Variants in MFNG observed in about 807,000 individuals in gnomAD.
MFNG encodes MFNG O-fucosylpeptide 3-beta-N-acetylglucosaminyltransferase.
MFNG carries 24 observed loss-of-function variants against 34.2 expected under a neutral mutation model. The ratio of observed to expected loss-of-function variants is 0.70; its 90% CI spans 0.51 to 0.99. MFNG has a LOEUF of 0.99. MFNG is among the 50% of genes least tolerant of loss of function. MFNG has a pLI of 0.00. For missense variants in MFNG, 383 were observed against 424.0 expected, an observed-to-expected ratio of 0.90 and a Z score of 0.85; for synonymous variants, 158 against 179.2, an observed-to-expected ratio of 0.88 and a Z score of 0.94.
chr22:37,480,662 C>T (rs1922253566), intron 2 of MFNG, 59 bp downstream of exon 2: 4 of 1,544,680 alleles, frequency 2.6e-6, no homozygotes, highest in Non-Finnish European at 3.6e-6. Flanking sequence ...GCACAGCCGC[C>T]CCAGCTTTCC....
intron 7 of MFNG, among the ~76,000 whole-genome samples, chr22:37,471,104 T>C (rs1471772003): frequency 6.6e-6 from 1 of 152,090 alleles, no homozygotes; most frequent in Non-Finnish European, 1.5e-5. Context: ...CCTCATCCCC[T>C]ACACACACAG....
chr22:37,480,991 C>T, intron 1 of MFNG: 1 of 575,144 alleles, frequency 1.7e-6, no homozygotes, highest in East Asian at 2.9e-5. Context: ...AGTCTAAACA[C>T]ATACACTCAC....
rs1569157594 is a variant in MFNG, at chr22:37,479,386, G to GGC, written c.519_520insGC (p.Arg174AlafsTer37). 6.2e-7 allele frequency: 1 copy of GGC among 1,605,948 alleles called. No individual in the cohort carries two copies. The highest frequency in any genetic ancestry group is 8.5e-7 in the Non-Finnish European group (1 of 1,176,076). Reference sequence around the variant, plus strand: ...TGTGGCTCTGAGGCATGGATGGGCCGGTTCAGGCTGGGCCTTCCCACATAG... The same window carrying GGC: ...TGTGGCTCTGAGGCATGGATGGGCCGGCGTTCAGGCTGGGCCTTCCCACATAG... On this transcript the variant is annotated frameshift_variant, in exon 4 of 8. Coordinates refer to ENST00000356998, the MANE Select transcript of MFNG (RefSeq NM_002405.4). LOFTEE classifies it high-confidence loss of function.
rs1922485075 is a variant in MFNG, at chr22:37,485,152, C to T, written c.255+771G>A. Among the ~76,000 whole-genome samples, 2 of 152,128 alleles carry T rather than the reference C, an allele frequency of 1.3e-5. No individual in the cohort carries two copies. On this transcript the variant is annotated intron_variant, in intron 1 of 7. Coordinates refer to ENST00000356998, the MANE Select transcript of MFNG (RefSeq NM_002405.4). This position sits in a 1 kb window ranked among gnomAD's most constrained non-coding sequence, Gnocchi z 5.3. ...TGACAGACATGCCTCTTGTCACACACATCTAGCACACTCCAGCTCCGTGCG... is the reference window on the plus strand; with the variant it reads ...TGACAGACATGCCTCTTGTCACACATATCTAGCACACTCCAGCTCCGTGCG...
chr22:37,481,000 A>G (rs988126281), intron 1 of MFNG: 37 of 537,922 alleles, frequency 6.9e-5, no homozygotes, highest in Non-Finnish European at 9.0e-5. Flanking sequence ...ACATACACTC[A>G]CCCCCTTTCC....
intron 6 of MFNG, among the ~76,000 whole-genome samples, chr22:37,473,428 CAA>C (rs796217351): frequency 6.9e-6 from 1 of 144,160 alleles, no homozygotes. Context: ...GACTCTATCT[CAA>C]AAAAAAAAAG....
chr22:37,479,957 T>C (rs1269865738), intron 3 of MFNG, among the ~76,000 whole-genome samples: 1 of 151,934 alleles, frequency 6.6e-6, no homozygotes, highest in Non-Finnish European at 1.5e-5. Flanking sequence ...GAGCCGAGAC[T>C]GCACCATTTG....
Position 37,480,274 on chromosome 22 carries a change from G to T in MFNG, c.330C>A (p.Cys110Ter), listed in dbSNP as rs1327445454. 6.2e-7 allele frequency: 1 copy of T among 1,613,810 alleles called. No homozygotes were observed. Among genetic ancestry groups the T allele is most frequent in the Admixed American group, 1.7e-5 (1 of 60,014 alleles). The change falls in exon 3 of 8, where the codon TGC becomes TGA. Residue 110 changes from cysteine to a stop codon, truncating the protein, a stop_gained. Transcript: ENST00000356998. LOFTEE classifies it high-confidence loss of function. The part of the protein sequence containing the change: ...RLGSHLVVTN[C>*]SAEHSHPALS... Reference sequence around the variant, plus strand: ...GAGCTGGGTGGCTGTGTTCCGCGGAGCAGTTGGTGACCACAAGGTGGGACC... The same window carrying T: ...GAGCTGGGTGGCTGTGTTCCGCGGATCAGTTGGTGACCACAAGGTGGGACC...
intron 5 of MFNG, among the ~76,000 whole-genome samples, chr22:37,475,893 G>C (rs935475211): frequency 6.6e-6 from 1 of 152,206 alleles, no homozygotes; most frequent in African/African-American, 2.4e-5. Flanking sequence ...CCAGGACAAT[G>C]AGCCCGCTCT....
chr22:37,480,546 C>T (rs911301190), intron 2 of MFNG, among the ~76,000 whole-genome samples, 175 bp downstream of exon 2: 5 of 152,190 alleles, frequency 3.3e-5, no homozygotes, highest in East Asian at 1.9e-4. Context: ...CCCATACCCA[C>T]GCCCACACCA....
rs1921707105 is a variant in MFNG, at chr22:37,469,439, C to G, written c.*524G>C. The G allele has an allele frequency of 4.4e-6, 1 of 229,100 alleles. No individual in the cohort carries two copies. The highest frequency in any genetic ancestry group is 1.2e-4 in the East Asian group (1 of 8,594). 14.2% of individuals were successfully genotyped at this position (229,100 alleles called of 1,614,324 possible). Reference sequence around the variant, plus strand: ...TTCGCAAGGGGTGGGGAGCAAGGAGCTTTGGGAGACTGGTTGGCAACAACA... The same window carrying G: ...TTCGCAAGGGGTGGGGAGCAAGGAGGTTTGGGAGACTGGTTGGCAACAACA... On this transcript the variant is annotated 3_prime_UTR_variant, in exon 8 of 8. Coordinates refer to ENST00000356998, the MANE Select transcript of MFNG (RefSeq NM_002405.4).
intron 6 of MFNG, among the ~76,000 whole-genome samples, chr22:37,473,064 C>G (rs1921881483): frequency 6.6e-6 from 1 of 152,152 alleles, no homozygotes; most frequent in South Asian, 2.1e-4. Flanking sequence ...GTTCAGCTCG[C>G]TGGGTCTCAT....
chr22:37,475,835 CACGG>C (rs1922012399), intron 5 of MFNG, among the ~76,000 whole-genome samples: 1 of 152,202 alleles, frequency 6.6e-6, no homozygotes, highest in African/African-American at 2.4e-5. Flanking sequence ...ACCCCAGGCA[CACGG>C]ATGACCCTGG....
rs1389743649 is a variant in MFNG, at chr22:37,472,543, A to T, written c.814-15T>A. 1.3e-6 allele frequency: 2 copies of T among 1,578,282 alleles called. No homozygotes were observed. Among genetic ancestry groups the T allele is most frequent in the African/African-American group, 2.8e-5 (2 of 72,244 alleles). Reference sequence around the variant, plus strand: ...CTGAGGGTGACCTGGGCAGGGAGATAGAAGAGTGTTGGGGCATCACACTGG... The same window carrying T: ...CTGAGGGTGACCTGGGCAGGGAGATTGAAGAGTGTTGGGGCATCACACTGG... On this transcript the variant is annotated splice_polypyrimidine_tract_variant and intron_variant, in intron 6 of 7. Coordinates refer to ENST00000356998, the MANE Select transcript of MFNG (RefSeq NM_002405.4).
chr22:37,477,096 A>G (rs1278753546), intron 4 of MFNG, 115 bp from the exon 5 acceptor site: 14 of 828,010 alleles, frequency 1.7e-5, no homozygotes, highest in Non-Finnish European at 2.6e-5. Flanking sequence ...CTTTATTTTG[A>G]ATCTCACTAG....
intron 7 of MFNG, among the ~76,000 whole-genome samples, chr22:37,470,375 G>A (rs1367205549): frequency 2.0e-5 from 3 of 152,182 alleles, no homozygotes; most frequent in Non-Finnish European, 2.9e-5. Flanking sequence ...GCCATAAAGA[G>A]ACCTCAGCTG....
At chr22:37,480,152 C>A (rs1922226352) in intron 3 of MFNG, 45 bp downstream of exon 3, 18 of 1,505,570 alleles carry the variant, frequency 1.2e-5, no homozygotes, top group African/African-American at 2.8e-5. Context: ...GTTATTTTCA[C>A]TGGGCCCAGA....
intron 7 of MFNG, among the ~76,000 whole-genome samples, chr22:37,471,898 A>G (rs927402354): frequency 6.6e-6 from 1 of 151,112 alleles, no homozygotes; most frequent in Non-Finnish European, 1.5e-5. Context: ...GAAGCTGCAT[A>G]TCACAGGCTA....
intron 1 of MFNG, among the ~76,000 whole-genome samples, chr22:37,481,742 C>T (rs936584701): frequency 3.9e-5 from 6 of 152,228 alleles, no homozygotes; most frequent in South Asian, 4.1e-4. Context: ...AGGACAATTC[C>T]GGACCCCTTC....
Sources: allele counts gnomAD v4.1 joint callset (sites outside exome capture counted in the v4.1 genomes callset), GRCh38; gene constraint gnomAD v4.1.1; non-coding constraint Gnocchi (gnomAD v3.1); transcripts MANE v1.5; gene names NCBI Gene and HGNC (gene_info 2026-07-23, HGNC 2026-07-21).